Variants in TBK1 observed in about 807,000 individuals in gnomAD.
TBK1 encodes the protein TANK binding kinase 1.
A neutral mutation model predicts 99.9 loss-of-function variants in TBK1; 37 were observed. The observed-to-expected ratio is 0.37, with a 90% confidence interval of 0.28 to 0.49. The LOEUF (loss-of-function observed/expected upper bound fraction) is 0.49. TBK1 is among the 20% of genes least tolerant of loss of function. The pLI is 0.98. For missense variants in TBK1, 644 were observed against 872.5 expected, an observed-to-expected ratio of 0.74 and a Z score of 3.30; for synonymous variants, 258 against 279.8, an observed-to-expected ratio of 0.92 and a Z score of 0.78.
In TBK1 at chr12:64,471,880, A is replaced by G. The variant is rs74480103; in HGVS notation, c.541-2350A>G. ...CAGGGAATAGCTTCCAGCTGTACCA[A>G]TTAGGCAGTATATTATTGCACCGTG... On this transcript the variant is annotated intron_variant, in intron 5 of 20. Coordinates refer to ENST00000331710, the MANE Select transcript of TBK1 (RefSeq NM_013254.4). 6.8e-4 allele frequency among the ~76,000 whole-genome samples: 103 copies of G among 152,252 alleles called. 1 individual carries two copies. The East Asian group carries it at 0.013, about 19-fold the overall frequency.
intron 3 of TBK1, among the ~76,000 whole-genome samples, chr12:64,461,636 C>T (rs2040549459): frequency 1.3e-5 from 2 of 152,178 alleles, no homozygotes; most frequent in Admixed American, 6.5e-5. Context: ...TCCACACTGC[C>T]AAGTCTGCTC....
chr12:64,475,680 G>A (rs1223658689), intron 6 of TBK1, among the ~76,000 whole-genome samples: 2 of 152,142 alleles, frequency 1.3e-5, no homozygotes, highest in African/African-American at 4.8e-5. Context: ...CCATGTTGCT[G>A]CAAAGGATAT....
At chr12:64,497,943 C>A in intron 19 of TBK1, 25 bp from the exon 20 acceptor site, 1 of 1,594,694 alleles carries the variant, frequency 6.3e-7, no homozygotes, top group Non-Finnish European at 8.6e-7. Context: ...TGTTTTTGAG[C>A]AAAGGTGCTT....
chr12:64,468,907 A>G (rs571885864), intron 5 of TBK1, among the ~76,000 whole-genome samples: 1 of 151,950 alleles, frequency 6.6e-6, no homozygotes, highest in South Asian at 2.1e-4. Flanking sequence ...AAACTCAACC[A>G]CCAGTCCTCA....
intron 11 of TBK1, 72 bp from the exon 12 acceptor site, chr12:64,488,415 G>GTTATT: frequency 1.3e-6 from 1 of 783,678 alleles, no homozygotes; most frequent in Non-Finnish European, 2.0e-6. Flanking sequence ...CTGTAGTACT[G>GTTATT]CAGTATAATT....
chr12:64,498,907 G>T (rs2040957439), intron 20 of TBK1, among the ~76,000 whole-genome samples: 1 of 146,670 alleles, frequency 6.8e-6, no homozygotes, highest in African/African-American at 2.5e-5. Context: ...AGTCAGCCGA[G>T]ATCACACCAC....
chr12:64,465,500 C>CAA (rs10714405), intron 4 of TBK1, among the ~76,000 whole-genome samples: 1 of 139,860 alleles, frequency 7.2e-6, no homozygotes, highest in Non-Finnish European at 1.6e-5. Flanking sequence ...TTCATAATAG[C>CAA]AAAAAAAAAA....
In TBK1 at chr12:64,474,410, A is replaced by G. The variant is rs755742484; in HGVS notation, c.701+20A>G. The G allele has an allele frequency of 3.8e-6, 6 of 1,591,772 alleles. No individual in the cohort carries two copies. In the East Asian group the frequency reaches 1.3e-4, roughly 36 times the overall value. Reference sequence around the variant, plus strand: ...AGTGATGTAAGTGGTTTCCCGATCTAAAATCAGAGAAGCATTTAAAAAATG... The same window carrying G: ...AGTGATGTAAGTGGTTTCCCGATCTGAAATCAGAGAAGCATTTAAAAAATG... On this transcript the variant is annotated intron_variant, in intron 6 of 20. Coordinates refer to ENST00000331710, the MANE Select transcript of TBK1 (RefSeq NM_013254.4).
intron 1 of TBK1, chr12:64,453,018 T>G (rs2040444509): frequency 6.6e-6 from 1 of 152,180 alleles, no homozygotes; most frequent in Non-Finnish European, 1.5e-5. Flanking sequence ...AAATAGTAAC[T>G]TTCGTTTTGG....
At chr12:64,461,535 A>G (rs1251309282) in intron 3 of TBK1, among the ~76,000 whole-genome samples, 1 of 152,210 alleles carries the variant, frequency 6.6e-6, no homozygotes, top group East Asian at 1.9e-4. Flanking sequence ...TCCTGTTTAT[A>G]ATAAAGAATG....
intron 19 of TBK1, 26 bp from the exon 20 acceptor site, chr12:64,497,942 G>A: frequency 6.3e-7 from 1 of 1,595,372 alleles, no homozygotes; most frequent in Non-Finnish European, 8.6e-7. Context: ...CTGTTTTTGA[G>A]CAAAGGTGCT....
intron 3 of TBK1, among the ~76,000 whole-genome samples, chr12:64,460,918 A>G (rs1248810802): frequency 6.6e-6 from 1 of 151,830 alleles, no homozygotes; most frequent in Admixed American, 6.6e-5. Context: ...CTGTCTCTGT[A>G]AAAAATACAA....
intron 4 of TBK1, among the ~76,000 whole-genome samples, chr12:64,465,587 ATTGT>A (rs1174146292): frequency 1.3e-5 from 2 of 152,336 alleles, no homozygotes; most frequent in East Asian, 3.9e-4. Context: ...ACAATGGAAT[ATTGT>A]TTGTTTACAA....
Position 64,495,541 on chromosome 12 carries a change from C to T in TBK1, c.1580C>T (p.Ser527Phe), listed in dbSNP as rs922333386. The T allele has an allele frequency of 1.2e-6, 2 of 1,613,990 alleles. No individual in the cohort carries two copies. Among genetic ancestry groups the T allele is most frequent in the African/African-American group, 1.3e-5 (1 of 74,936 alleles). ...TSLQDIDSRL[S>F]PGGSLADAWA... The stretch of plus-strand genomic sequence containing the variant: ...CTTCAGGATATCGACAGCAGATTAT[C>T]TCCAGGTGGATCACTGGCAGACGCA... Residue 527 changes from serine (S) to phenylalanine (F), a missense_variant, in exon 14 of 21, where the codon TCT becomes TTT. Transcript: ENST00000331710.
At chr12:64,488,644 A>G (rs2136081624) in intron 12 of TBK1, 56 bp downstream of exon 12, 2 of 1,208,034 alleles carry the variant, frequency 1.7e-6, no homozygotes, top group East Asian at 2.5e-5. Flanking sequence ...TTCCATTTCT[A>G]TTTAAATGAC....
intron 13 of TBK1, among the ~76,000 whole-genome samples, chr12:64,492,459 AC>A (rs2040878581): frequency 6.6e-6 from 1 of 151,310 alleles, no homozygotes; most frequent in African/African-American, 2.4e-5. Context: ...GGCATGTGCC[AC>A]CACACCCAGC....
chr12:64,485,667 C>CT (rs1325587156), intron 10 of TBK1, 154 bp downstream of exon 10: 1 of 469,370 alleles, frequency 2.1e-6, no homozygotes, highest in Non-Finnish European at 3.6e-6. Flanking sequence ...ATTTTGTGGT[C>CT]TTTCTTTTTT....
At chr12:64,479,984 A>G in intron 6 of TBK1, 28 bp from the exon 7 acceptor site, 2 of 1,547,660 alleles carry the variant, frequency 1.3e-6, no homozygotes, top group Non-Finnish European at 1.8e-6. Context: ...TGAACTGCTT[A>G]TTTTATTCTG....
intron 7 of TBK1, among the ~76,000 whole-genome samples, chr12:64,481,052 A>G (rs889801795): frequency 6.6e-6 from 1 of 152,286 alleles, no homozygotes; most frequent in East Asian, 1.9e-4. Context: ...TGTTATTTTA[A>G]AAAGTTTCCA....
Sources: gnomAD v4.1 joint callset for allele counts (sites outside exome capture counted in the v4.1 genomes callset) on GRCh38, gnomAD v4.1.1 for gene constraint, MANE v1.5 for transcripts, NCBI Gene and HGNC (gene_info 2026-07-23, HGNC 2026-07-21) for gene names.